The following ZBTB38 variants were observed in gnomAD, a reference collection of about 807,000 sequenced individuals.
The protein encoded by ZBTB38 is zinc finger and BTB domain containing 38, also known as zinc finger and BTB domain-containing protein 38.
ZBTB38 carries 20 observed loss-of-function variants against 76.8 expected under a neutral mutation model. The ratio of observed to expected loss-of-function variants is 0.26; its 90% confidence interval spans 0.18 to 0.38. ZBTB38 has a LOEUF of 0.38. Among genes scored for constraint, ZBTB38 ranks in the 10% least tolerant of loss-of-function variants. The probability of loss-of-function intolerance (pLI) is 1.00; values close to 1 mark genes in which losing one functional copy is unlikely to be tolerated. For missense variants in ZBTB38, 1,082 were observed against 1,482.3 expected (o/e 0.73, Z 4.43); for synonymous variants, 504 against 544.2 (o/e 0.93, Z 1.03).
chr3:141,443,451 A>T lies in ZBTB38; in HGVS notation c.1063A>T (p.Thr355Ser). Residue 355 changes from threonine (T) to serine (S), a missense_variant, in exon 6 of 6, where the codon ACT (threonine) becomes TCT (serine). Physicochemically the swap from Thr to Ser is moderately conservative, Grantham distance 58. This residue lies in a region of ZBTB38 where 324 missense variants were observed against 359.1 expected (regional missense o/e 0.90). Transcript: ENST00000321464. This position sits in a 1 kb window ranked among gnomAD's most constrained non-coding sequence, Gnocchi z 5.6. ...CTGTTCCAAAGCCTTTGACAGCAGCACTCTGCTCAGTGCCCACATGCAGCT... is the reference window on the plus strand; with the variant it reads ...CTGTTCCAAAGCCTTTGACAGCAGCTCTCTGCTCAGTGCCCACATGCAGCT... ...SCCSKAFDSSTLLSAHMQLHK... is the reference protein window; with the variant it reads ...SCCSKAFDSSSLLSAHMQLHK... The T allele has an allele frequency of 6.2e-7, 1 of 1,614,184 alleles. No homozygotes were observed.
At position 141,444,798 on chromosome 3, in the gene ZBTB38, A is replaced by C. The variant is rs772274469; in HGVS notation, c.2410A>C (p.Lys804Gln). 1 of 1,614,200 alleles carries C rather than the reference A, an allele frequency of 6.2e-7. No homozygotes were observed. Among genetic ancestry groups the C allele is most frequent in the South Asian group, 1.1e-5 (1 of 91,084 alleles). The change falls in exon 6 of 6, where the codon AAA becomes CAA. Residue 804 changes from lysine to glutamine, a missense_variant. Lys to Gln is a moderately conservative substitution (Grantham distance 53). Transcript: ENST00000321464. The surrounding 1 kb of genome is among the most constrained non-coding windows in gnomAD (Gnocchi z 5.1). ...TGCTGATCCTGGAGGATCACTGAGC[A>C]AAACCACAAATATTGCTGAAGAAAC... ...YVADPGGSLS[K>Q]TTNIAEETSK...
intron 1 of ZBTB38, among the ~76,000 whole-genome samples, chr3:141,333,449 G>C (rs1300684257): frequency 6.6e-6 from 1 of 152,024 alleles, no homozygotes; most frequent in African/African-American, 2.4e-5. Context: ...TCCAAAGCCT[G>C]CTGCTATCTG....
chr3:141,353,733 G>A (rs955615886), intron 1 of ZBTB38, among the ~76,000 whole-genome samples: 1 of 152,098 alleles, frequency 6.6e-6, no homozygotes, highest in African/African-American at 2.4e-5. Flanking sequence ...TGAATAAATG[G>A]ACACATGAGC....
At chr3:141,359,169 C>A (rs1218122411) in intron 1 of ZBTB38, among the ~76,000 whole-genome samples, 1 of 152,230 alleles carries the variant, frequency 6.6e-6, no homozygotes, top group Non-Finnish European at 1.5e-5. Flanking sequence ...CCAGCTCTTC[C>A]ACCTTTCTCT....
intron 2 of ZBTB38, among the ~76,000 whole-genome samples, chr3:141,375,340 C>T (rs1945216211): frequency 1.3e-5 from 2 of 152,146 alleles, no homozygotes; most frequent in African/African-American, 2.4e-5. Flanking sequence ...CCAGAGTCAC[C>T]CAACCTTTAG....
intron 2 of ZBTB38, among the ~76,000 whole-genome samples, chr3:141,373,496 C>T (rs1462736230): frequency 6.6e-6 from 1 of 152,190 alleles, no homozygotes; most frequent in Non-Finnish European, 1.5e-5. Flanking sequence ...GCTCCTTTCT[C>T]CCCATGGGTC....
intron 1 of ZBTB38, among the ~76,000 whole-genome samples, chr3:141,346,782 TTGTGTG>T (rs56345431): frequency 0.013 from 1,918 of 144,668 alleles, 34 homozygotes; most frequent in African/African-American, 0.038. Flanking sequence ...TTGTTTTGTT[TTGTGTG>T]TGTGTGTGTG....
At chr3:141,435,228 C>CA (rs1196403526) in intron 5 of ZBTB38, among the ~76,000 whole-genome samples, 2 of 152,094 alleles carry the variant, frequency 1.3e-5, no homozygotes, top group Non-Finnish European at 1.5e-5. Flanking sequence ...GCTGGATGAC[C>CA]ATTCATCCTG....
intron 5 of ZBTB38, among the ~76,000 whole-genome samples, chr3:141,435,156 AAAG>A (rs2150679783): frequency 6.6e-6 from 1 of 152,318 alleles, no homozygotes; most frequent in Non-Finnish European, 1.5e-5. Flanking sequence ...ACCCTGTCTC[AAAG>A]AAGAAAAAAG....
At chr3:141,399,986 GCTTTT>G (rs942778541) in intron 4 of ZBTB38, among the ~76,000 whole-genome samples, 2 of 85,256 alleles carry the variant, frequency 2.3e-5, no homozygotes, top group Non-Finnish European at 4.6e-5. Context: ...TGAAAGTCTT[GCTTTT>G]TTTTTTTTTT....
intron 2 of ZBTB38, among the ~76,000 whole-genome samples, chr3:141,376,614 T>C (rs1020074368): frequency 5.2e-4 from 79 of 152,342 alleles, no homozygotes; most frequent in African/African-American, 1.8e-3. Flanking sequence ...TTCACTATAA[T>C]GTTTGCCTTA....
At position 141,447,328 on chromosome 3, in the gene ZBTB38, T is replaced by C. The variant is rs1019554298; in HGVS notation, c.*1352T>C. The C allele has an allele frequency of 2.0e-5, 3 of 152,550 alleles. No homozygotes were observed. The highest frequency in any genetic ancestry group is 7.2e-5 in the African/African-American group (3 of 41,414). 9.4% of individuals were successfully genotyped at this position (152,550 alleles called of 1,614,324 possible). ...TTTACTTATGAGACTCAGAAATATA[T>C]CTACAAAGCCAGATGCTCTGTCTTC... On this transcript the variant is annotated 3_prime_UTR_variant, in exon 6 of 6. Transcript: ENST00000321464.
At chr3:141,357,170 C>T (rs941270050) in intron 1 of ZBTB38, among the ~76,000 whole-genome samples, 1 of 152,168 alleles carries the variant, frequency 6.6e-6, no homozygotes, top group Non-Finnish European at 1.5e-5. Flanking sequence ...ATTTCCCTGA[C>T]GCTAGTGATA....
chr3:141,377,822 T>A (rs1559926706), intron 2 of ZBTB38, among the ~76,000 whole-genome samples: 1 of 152,212 alleles, frequency 6.6e-6, no homozygotes, highest in Admixed American at 6.5e-5. Context: ...AAGGGCATTA[T>A]GCTGAAAGCC....
intron 1 of ZBTB38, among the ~76,000 whole-genome samples, chr3:141,353,307 C>G (rs577326222): frequency 6.6e-6 from 1 of 152,228 alleles, no homozygotes; most frequent in Admixed American, 6.5e-5. Flanking sequence ...AGTTCTGGCC[C>G]TTCCCCCTGA....
intron 1 of ZBTB38, among the ~76,000 whole-genome samples, chr3:141,369,314 G>A (rs1944201647): frequency 6.6e-6 from 1 of 152,164 alleles, no homozygotes; most frequent in Non-Finnish European, 1.5e-5. Flanking sequence ...CCTTTACTGA[G>A]CACGTTTCTG....
At chr3:141,441,902 C>T (rs565706274) in intron 5 of ZBTB38, among the ~76,000 whole-genome samples, 4 of 150,692 alleles carry the variant, frequency 2.7e-5, no homozygotes, top group Admixed American at 1.3e-4. Context: ...GGCAACAGAG[C>T]GAGACTTTGT....
chr3:141,421,318 G>T (rs1422704531), intron 5 of ZBTB38, among the ~76,000 whole-genome samples: 7 of 148,456 alleles, frequency 4.7e-5, no homozygotes, highest in Admixed American at 4.7e-4. Flanking sequence ...ACTAAGACTG[G>T]GTCTTGCTAT....
At chr3:141,374,467 C>T (rs1052601126) in intron 2 of ZBTB38, among the ~76,000 whole-genome samples, 3 of 152,164 alleles carry the variant, frequency 2.0e-5, no homozygotes, top group Admixed American at 6.5e-5. Flanking sequence ...AACTCCTCCA[C>T]GGAGGCATTG....
Sources: allele counts gnomAD v4.1 joint callset (sites outside exome capture counted in the v4.1 genomes callset), GRCh38; gene constraint gnomAD v4.1.1; regional missense constraint gnomAD v4.1.1; non-coding constraint Gnocchi (gnomAD v3.1); transcripts MANE v1.5; gene names NCBI Gene and HGNC (gene_info 2026-07-23, HGNC 2026-07-21).